The following SH3YL1 variants were observed in gnomAD, a reference collection of about 807,000 sequenced individuals.
SH3YL1 encodes SH3 domain-containing YSC84-like protein 1.
Under a neutral mutation model 45.8 loss-of-function variants are expected in SH3YL1, and 41 were observed. The observed-to-expected ratio is 0.89, with a 90% confidence interval of 0.70 to 1.16. The LOEUF (loss-of-function observed/expected upper bound fraction) is 1.16, where lower values mean the gene tolerates loss of function less well. SH3YL1 is among the 50% of genes most tolerant of loss of function. The pLI is 0.00. For synonymous variants in SH3YL1, 152 were observed against 151.4 expected (o/e 1.00, Z -0.03); for missense variants, 389 against 409.6 (o/e 0.95, Z 0.43).
intron 4 of SH3YL1, among the ~76,000 whole-genome samples, chr2:245,813 G>T (rs1179163715): frequency 3.3e-5 from 5 of 151,992 alleles, no homozygotes; most frequent in Admixed American, 3.3e-4. Context: ...ACTGTGCAGC[G>T]CACCAGTCTT....
chr2:232,511 T>TGGGA (rs1668094166), intron 6 of SH3YL1, among the ~76,000 whole-genome samples: 2 of 151,988 alleles, frequency 1.3e-5, no homozygotes, highest in Admixed American at 6.6e-5. Context: ...GTTGCATAGG[T>TGGGA]ATACATATGC....
At chr2:257,991 C>T (rs148935348) in intron 1 of SH3YL1, among the ~76,000 whole-genome samples, 62 of 152,128 alleles carry the variant, frequency 4.1e-4, no homozygotes, top group East Asian at 2.7e-3. Context: ...TCTGGGCTCT[C>T]GATTCTGTTC....
intron 4 of SH3YL1, chr2:241,589 C>G (rs1193691452): frequency 6.6e-6 from 1 of 152,056 alleles, no homozygotes; most frequent in Non-Finnish European, 1.5e-5. Flanking sequence ...AAAGATAACA[C>G]TCTGGATAGA....
chr2:228,985 C>T (rs1667914545), intron 8 of SH3YL1, among the ~76,000 whole-genome samples: 1 of 152,216 alleles, frequency 6.6e-6, no homozygotes, highest in Non-Finnish European at 1.5e-5. Flanking sequence ...TACATGTAAT[C>T]TCTCTCCTCT....
intron 4 of SH3YL1, among the ~76,000 whole-genome samples, chr2:236,013 AGCATGGGCCAGGGGAG>A (rs1366977926): frequency 3.5e-5 from 2 of 57,302 alleles, no homozygotes; most frequent in Non-Finnish European, 7.0e-5. Flanking sequence ...CAGGGGAGGC[AGCATGGGCCAGGGGAG>A]GCAGCATGGG....
chr2:254,859 CA>C (rs1026064111), intron 1 of SH3YL1, among the ~76,000 whole-genome samples: 1 of 152,232 alleles, frequency 6.6e-6, no homozygotes, highest in Admixed American at 6.5e-5. Context: ...AGCCAGACTA[CA>C]GCCTAAGTGA....
At chr2:259,514 A>C (rs1669498168) in intron 1 of SH3YL1, 1 of 152,054 alleles carries the variant, frequency 6.6e-6, no homozygotes, top group African/African-American at 2.4e-5. Flanking sequence ...AAACACAGTA[A>C]TTTTGAAGTT....
chr2:262,589 G>A (rs1322446243), intron 1 of SH3YL1: 2 of 1,304,086 alleles, frequency 1.5e-6, no homozygotes, highest in Admixed American at 4.6e-5. Context: ...ATGTGCTTAG[G>A]TCTCAGAGCA....
Position 219,817 on chromosome 2 carries a change from G to A in SH3YL1, c.839-816C>T, listed in dbSNP as rs2103014134. On this transcript the variant is annotated intron_variant, in intron 9 of 9. Coordinates refer to ENST00000356150, the MANE Select transcript of SH3YL1 (RefSeq NM_015677.4). The stretch of plus-strand genomic sequence containing the variant: ...CAGACATTTCTTCTCCCTGGGCTTT[G>A]TGGCTGTTTACATTTCTGTGCTTAA... Among the ~76,000 whole-genome samples the A allele has an allele frequency of 2.0e-5, 3 of 152,120 alleles. No individual in the cohort carries two copies. The South Asian group carries it at 6.2e-4, about 32-fold the overall frequency.
chr2:264,428 A>C, upstream of SH3YL1: 11 of 185,646 alleles, frequency 5.9e-5, no homozygotes, highest in East Asian at 2.8e-4. Context: ...GCCCCAACCC[A>C]GGTGGGCGGC....
chr2:234,071 G>C, intron 5 of SH3YL1, 89 bp downstream of exon 5: 1 of 969,388 alleles, frequency 1.0e-6, no homozygotes, highest in South Asian at 1.5e-5. Context: ...GTACAAATCT[G>C]TTCATTTTAA....
At chr2:222,949 T>A (rs1667637820) in intron 9 of SH3YL1, 2 of 152,234 alleles carry the variant, frequency 1.3e-5, no homozygotes, top group African/African-American at 4.8e-5. Context: ...GTTAATGCCT[T>A]CACAGCTGCG....
intron 1 of SH3YL1, among the ~76,000 whole-genome samples, chr2:253,429 C>G (rs1320955349): frequency 6.6e-6 from 1 of 152,316 alleles, no homozygotes; most frequent in East Asian, 1.9e-4. Flanking sequence ...AACGTGACCT[C>G]TGGTCATCTT....
intron 4 of SH3YL1, 83 bp from the exon 5 acceptor site, chr2:234,355 C>A: frequency 2.1e-6 from 2 of 946,396 alleles, no homozygotes; most frequent in Non-Finnish European, 3.2e-6. Context: ...CTCAACTACA[C>A]CATATGCACT....
At chr2:222,668 C>T (rs981927537) in intron 9 of SH3YL1, 4 of 152,250 alleles carry the variant, frequency 2.6e-5, no homozygotes, top group East Asian at 1.9e-4. Context: ...ATTTGCAAGC[C>T]TTGTCTCTCT....
At chr2:254,867 G>A (rs1314049290) in intron 1 of SH3YL1, among the ~76,000 whole-genome samples, 2 of 152,178 alleles carry the variant, frequency 1.3e-5, no homozygotes, top group Non-Finnish European at 2.9e-5. Flanking sequence ...TACAGCCTAA[G>A]TGACTATTCC....
intron 1 of SH3YL1, among the ~76,000 whole-genome samples, chr2:253,814 AC>A (rs1242967950): frequency 7.9e-5 from 12 of 152,072 alleles, no homozygotes; most frequent in African/African-American, 2.4e-4. Context: ...CTGGATCGGG[AC>A]CCCTTTTTGG....
intron 4 of SH3YL1, chr2:242,158 A>G (rs1260116445): frequency 6.6e-6 from 1 of 152,094 alleles, no homozygotes; most frequent in Non-Finnish European, 1.5e-5. Context: ...GGAGTAAGGA[A>G]ATGACACCAG....
intron 4 of SH3YL1, among the ~76,000 whole-genome samples, chr2:236,058 T>C (rs867207625): frequency 6.1e-5 from 2 of 32,734 alleles, no homozygotes; most frequent in Non-Finnish European, 1.3e-4. Context: ...GGCAGCAGCA[T>C]GGGCCAGGGG....
Sources: gnomAD v4.1 joint callset for allele counts (sites outside exome capture counted in the v4.1 genomes callset) on GRCh38, gnomAD v4.1.1 for gene constraint, MANE v1.5 for transcripts, NCBI Gene and HGNC (gene_info 2026-07-23, HGNC 2026-07-21) for gene names.